The following NXPE2 variants were observed in gnomAD, a reference collection of about 807,000 sequenced individuals.
NXPE2 encodes the protein NXPE family member 2.
In NXPE2, 34 loss-of-function variants were observed where a neutral mutation model predicts 34.4. The observed-to-expected ratio is 0.99, with a 90% CI of 0.75 to 1.31. The LOEUF (loss-of-function observed/expected upper bound fraction) is 1.31. NXPE2 is among the 40% of genes most tolerant of loss of function. The probability of loss-of-function intolerance (pLI) is 0.00; values close to 1 mark genes in which losing one functional copy is unlikely to be tolerated. For synonymous variants in NXPE2, 235 were observed against 231.3 expected, an observed-to-expected ratio of 1.02 and a Z score of -0.15; for missense variants, 649 against 672.5, an observed-to-expected ratio of 0.97 and a Z score of 0.39.
the NXPE2 span, among the ~76,000 whole-genome samples, chr11:114,802,441 C>T: frequency 1.3e-5 from 2 of 152,164 alleles, no homozygotes; most frequent in Non-Finnish European, 2.9e-5. Context: ...CTGATTTGTC[C>T]GGGTTTGGGT....
chr11:114,539,800 T>G, the NXPE2 span, among the ~76,000 whole-genome samples: 5 of 152,118 alleles, frequency 3.3e-5, no homozygotes, highest in Non-Finnish European at 5.9e-5. Flanking sequence ...GTAGATACCT[T>G]AGAAGCAGAC....
chr11:114,479,419 G>A, the NXPE2 span, among the ~76,000 whole-genome samples: 11 of 152,278 alleles, frequency 7.2e-5, no homozygotes, highest in South Asian at 4.1e-4. Flanking sequence ...AAGCATTTGA[G>A]AAATATTTAG....
the NXPE2 span, among the ~76,000 whole-genome samples, chr11:114,651,633 C>T: frequency 2.6e-5 from 4 of 152,106 alleles, no homozygotes; most frequent in African/African-American, 9.7e-5. Context: ...CACTGATTGG[C>T]CCATTTTACA....
chr11:114,553,789 G>C, the NXPE2 span: 1 of 982,448 alleles, frequency 1.0e-6, no homozygotes, highest in Non-Finnish European at 1.2e-6. Flanking sequence ...CCCAGCCTTT[G>C]CTGGCTTATG....
the NXPE2 span, among the ~76,000 whole-genome samples, chr11:114,646,216 T>C: frequency 6.6e-6 from 1 of 152,042 alleles, no homozygotes; most frequent in Non-Finnish European, 1.5e-5. Flanking sequence ...GTGTAATCAC[T>C]GCTATGGAAT....
the NXPE2 span, among the ~76,000 whole-genome samples, chr11:114,642,241 A>C: frequency 6.6e-6 from 1 of 151,998 alleles, no homozygotes; most frequent in Non-Finnish European, 1.5e-5. Context: ...CCGGTCTAAC[A>C]ATGAGAAAAA....
At chr11:114,599,105 G>A in the NXPE2 span, among the ~76,000 whole-genome samples, 2 of 152,042 alleles carry the variant, frequency 1.3e-5, no homozygotes, top group African/African-American at 2.4e-5. Flanking sequence ...TGTTAAAGTA[G>A]CCAGGCTGCT....
At chr11:114,552,811 A>G in the NXPE2 span, 7 of 866,804 alleles carry the variant, frequency 8.1e-6, no homozygotes, top group Non-Finnish European at 9.7e-6. Flanking sequence ...TCTCCTTTTC[A>G]TAGATCTTTA....
At chr11:114,779,724 C>T in the NXPE2 span, among the ~76,000 whole-genome samples, 1 of 152,034 alleles carries the variant, frequency 6.6e-6, no homozygotes, top group Non-Finnish European at 1.5e-5. Flanking sequence ...AAGGAAAAAT[C>T]AAGACAGGAA....
At chr11:114,466,564 A>G in the NXPE2 span, among the ~76,000 whole-genome samples, 1 of 151,996 alleles carries the variant, frequency 6.6e-6, no homozygotes, top group African/African-American at 2.4e-5. Flanking sequence ...GAATATATAT[A>G]TATATTGTCC....
chr11:114,807,216 A>T, the NXPE2 span, among the ~76,000 whole-genome samples: 20 of 147,044 alleles, frequency 1.4e-4, no homozygotes, highest in Admixed American at 8.8e-4. Flanking sequence ...AGGAACAACC[A>T]GTACCAGCCA....
the NXPE2 span, among the ~76,000 whole-genome samples, chr11:114,468,475 C>G: frequency 6.6e-6 from 1 of 152,218 alleles, no homozygotes; most frequent in South Asian, 2.1e-4. Context: ...CCACAGAACA[C>G]TTATTTAACA....
the NXPE2 span, among the ~76,000 whole-genome samples, chr11:114,589,106 C>T: frequency 6.6e-6 from 1 of 152,086 alleles, no homozygotes; most frequent in African/African-American, 2.4e-5. Flanking sequence ...TGTGGGAAGT[C>T]AGAGGACTTT....
chr11:114,731,382 C>T, the NXPE2 span, among the ~76,000 whole-genome samples: 2 of 152,110 alleles, frequency 1.3e-5, no homozygotes, highest in African/African-American at 4.8e-5. Flanking sequence ...GCAATTATCT[C>T]AGAAAAATGA....
chr11:114,502,150 C>T, the NXPE2 span, among the ~76,000 whole-genome samples: 1 of 152,202 alleles, frequency 6.6e-6, no homozygotes, highest in African/African-American at 2.4e-5. Context: ...ATACTTGACA[C>T]ATACAAGAAA....
At chr11:114,642,485 C>T in the NXPE2 span, among the ~76,000 whole-genome samples, 2 of 151,984 alleles carry the variant, frequency 1.3e-5, no homozygotes, top group Non-Finnish European at 2.9e-5. Context: ...CATGTGTTCT[C>T]ATTGTTCCAC....
chr11:114,699,482 C>T (rs1402151225), intron 3 of NXPE2, among the ~76,000 whole-genome samples: 2 of 152,236 alleles, frequency 1.3e-5, no homozygotes, highest in South Asian at 2.1e-4. Flanking sequence ...CAAGGACTTT[C>T]CTCCCTTGGC....
chr11:114,571,163 A>G, the NXPE2 span: 2 of 1,614,016 alleles, frequency 1.2e-6, no homozygotes, highest in Non-Finnish European at 1.7e-6. Context: ...TTTTGATGAT[A>G]ACCATAGTGT....
chr11:114,671,627 G>T, the NXPE2 span, among the ~76,000 whole-genome samples: 1 of 151,896 alleles, frequency 6.6e-6, no homozygotes, highest in Non-Finnish European at 1.5e-5. Flanking sequence ...AAGGCAGTAG[G>T]ATGACATATT....
Sources: allele counts gnomAD v4.1 joint callset (sites outside exome capture counted in the v4.1 genomes callset), GRCh38; gene constraint gnomAD v4.1.1; transcripts MANE v1.5; gene names NCBI Gene and HGNC (gene_info 2026-07-23, HGNC 2026-07-21).